The following MYCBP2 variants were observed in gnomAD, a reference collection of about 807,000 sequenced individuals.
The protein encoded by MYCBP2 is MYC binding protein 2, also known as E3 ubiquitin-protein ligase MYCBP2.
In MYCBP2, 120 loss-of-function variants were observed where a neutral mutation model predicts 525.3. The observed-to-expected ratio is 0.23, with a 90% CI of 0.20 to 0.27. The LOEUF (loss-of-function observed/expected upper bound fraction) is 0.27. MYCBP2 is among the 10% of genes least tolerant of loss of function. The probability of loss-of-function intolerance (pLI) is 1.00; values close to 1 mark genes in which losing one functional copy is unlikely to be tolerated. For synonymous variants in MYCBP2, 1,894 were observed against 1,955.8 expected (o/e 0.97, Z 0.83); for missense variants, 4,149 against 5,657.1 (o/e 0.73, Z 8.55).
chr13:77,067,716 T>G lies in MYCBP2; in HGVS notation c.12320A>C (p.Asp4107Ala). The G allele has an allele frequency of 6.2e-7, 1 of 1,614,138 alleles. No individual in the cohort carries two copies. Among genetic ancestry groups the G allele is most frequent in the Non-Finnish European group, 8.5e-7 (1 of 1,180,016 alleles). ...TTTGGCAATGCATCCTAGAAACATG[T>G]CCAAGATACCCAGCTTATTCCAGTC... ...KGDWNKLGIL[D>A]MFLGCIAKAL... The change falls in exon 71 of 83, where the codon GAC (aspartate) becomes GCC (alanine). Residue 4107 changes from aspartate to alanine, a missense_variant. This residue lies in a region of MYCBP2 where 148 missense variants were observed against 179.4 expected (regional missense o/e 0.82). Coordinates refer to ENST00000544440, the MANE Select transcript of MYCBP2 (RefSeq NM_015057.5).
chr13:77,083,257 CT>C lies in MYCBP2; in HGVS notation c.10876-66del, dbSNP rs1373696029. On this transcript the variant is annotated intron_variant, in intron 62 of 82. Coordinates refer to ENST00000544440, the MANE Select transcript of MYCBP2 (RefSeq NM_015057.5). ...TGGAAGGAATCCTCTTCACAAAAGA[CT>C]ATTATGTATACTTAAAAAATGGTCA... 8.9e-6 allele frequency: 13 copies of C among 1,454,436 alleles called. No homozygotes were observed. The East Asian group carries it at 3.2e-4, about 35-fold the overall frequency. The allele number at this position is 1,454,436 out of a possible 1,614,324, so 90.1% of individuals were successfully genotyped here. A position where few individuals can be genotyped will look rare whatever the true frequency, so the allele number is the denominator to read the frequency against.
rs766332100 is a variant in MYCBP2 at position 77,083,127 on chromosome 13, A to G, written c.10941T>C (p.His3647=). The change falls in exon 63 of 83, where the codon CAT becomes CAC. Residue 3647 remains histidine (H), a synonymous_variant. Transcript: ENST00000544440. ...AGCGGTGAAAGGTGTGTGGTAAAGG[A>G]TGAGCAGCTTCCCCGGCAATCACTA... ...SDIVIAGEAA[H]PLPHTFHRLL... The G allele has an allele frequency of 6.4e-5, 104 of 1,613,488 alleles. 1 individual carries two copies. The highest frequency in any genetic ancestry group is 1.7e-4 in the African/African-American group (13 of 74,862).
chr13:77,247,310 CAATGAACAA>C (rs2154322926), intron 15 of MYCBP2, among the ~76,000 whole-genome samples: 1 of 152,086 alleles, frequency 6.6e-6, no homozygotes, highest in Non-Finnish European at 1.5e-5. Context: ...TAGACACTAA[CAATGAACAA>C]TATGAAAAGG....
In MYCBP2 at chr13:77,168,444, C is replaced by T. The variant is rs2058768565; in HGVS notation, c.6098G>A (p.Cys2033Tyr). 4 of 1,614,008 alleles carry T rather than the reference C, an allele frequency of 2.5e-6. No homozygotes were observed. Among genetic ancestry groups the T allele is most frequent in the Non-Finnish European group, 3.4e-6 (4 of 1,179,934 alleles). The change falls in exon 40 of 83, where the codon TGT becomes TAT. Residue 2033 changes from cysteine (C) to tyrosine (Y), a missense_variant. Around this residue, in one of 21 missense-constraint regions of MYCBP2, gnomAD observed 692 missense variants for 852.7 expected, o/e 0.81. Transcript: ENST00000544440. ...IESEHPYKPA[C>Y]VMHYKVTFPE... is the part of the protein sequence containing the mutation. ...GGTGCCTACCTTGTAATGCATCACA[C>T]AGGCAGGTTTATACGGGTGCTCACT...
chr13:77,160,065 C>CTTTT (rs34051925), intron 44 of MYCBP2, among the ~76,000 whole-genome samples: 2 of 136,248 alleles, frequency 1.5e-5, no homozygotes, highest in Non-Finnish European at 3.2e-5. Flanking sequence ...AAATCACAAA[C>CTTTT]TTTTTTTTTT....
chr13:77,320,639 T>C (rs2081477704), intron 1 of MYCBP2, among the ~76,000 whole-genome samples: 1 of 152,096 alleles, frequency 6.6e-6, no homozygotes, highest in Non-Finnish European at 1.5e-5. Context: ...GGAAAAAGCA[T>C]ACATTTACAG....
chr13:77,205,048 T>G (rs2063160211), intron 26 of MYCBP2, among the ~76,000 whole-genome samples: 1 of 151,886 alleles, frequency 6.6e-6, no homozygotes, highest in Non-Finnish European at 1.5e-5. Flanking sequence ...TAAAGTATAA[T>G]AATAATAAAT....
At chr13:77,279,748 C>G (rs916274135) in intron 3 of MYCBP2, among the ~76,000 whole-genome samples, 4 of 152,126 alleles carry the variant, frequency 2.6e-5, no homozygotes, top group African/African-American at 9.7e-5. Flanking sequence ...ATTGTGCAAA[C>G]TCACTTTAGG....
intron 20 of MYCBP2, among the ~76,000 whole-genome samples, chr13:77,223,913 TAA>T (rs201464351): frequency 0.068 from 10,368 of 152,120 alleles, 562 homozygotes; most frequent in African/African-American, 0.14. Context: ...AAACTAAAAC[TAA>T]AACAAATGAA....
Position 77,144,430 on chromosome 13 carries a change from C to G in MYCBP2, c.7303+15G>C. 1 of 1,565,084 alleles carries G rather than the reference C, an allele frequency of 6.4e-7. No individual in the cohort carries two copies. The highest frequency in any genetic ancestry group is 8.8e-7 in the Non-Finnish European group (1 of 1,136,218). ...ATTTGAAGTAAGTAGTAGCTCATGG[C>G]TTTAAAGAAAATACCGATTTCAATG... On this transcript the variant is annotated intron_variant, in intron 49 of 82. Transcript: ENST00000544440.
chr13:77,185,861 T>A lies in MYCBP2; in HGVS notation c.4444+10A>T, dbSNP rs2060668313. On this transcript the variant is annotated intron_variant, in intron 31 of 82. Transcript: ENST00000544440. The stretch of plus-strand genomic sequence containing the variant: ...TCTCCCTATAGTCATTTAAAAAAAA[T>A]GCATCATACCTGACACTGGGTAAAT... 3 of 1,537,138 alleles carry A rather than the reference T, an allele frequency of 2.0e-6. No individual in the cohort carries two copies. Among genetic ancestry groups the A allele is most frequent in the Non-Finnish European group, 8.7e-7 (1 of 1,145,872 alleles).
rs1016568246 is a variant in MYCBP2 at position 77,135,857 on chromosome 13, G to A, written c.7659+3339C>T. On this transcript the variant is annotated intron_variant, in intron 52 of 82. Transcript: ENST00000544440. ...TCTTTTTTTTCTTTTTTTTTTTTGAGACGGAGTCTCACTCTGTCACCCAGG... is the reference window on the plus strand; with the variant it reads ...TCTTTTTTTTCTTTTTTTTTTTTGAAACGGAGTCTCACTCTGTCACCCAGG... 6.9e-5 allele frequency among the ~76,000 whole-genome samples: 10 copies of A among 145,460 alleles called. 1 individual carries two copies. The South Asian group carries it at 1.1e-3, about 16-fold the overall frequency.
chr13:77,145,524 A>C (rs1201474309), intron 48 of MYCBP2, among the ~76,000 whole-genome samples: 1 of 152,100 alleles, frequency 6.6e-6, no homozygotes. Context: ...ATGATTCCCA[A>C]ATTTATTTTC....
In MYCBP2 at chr13:77,188,289, C is replaced by G. The variant is rs1226191797; in HGVS notation, c.4251+662G>C. On this transcript the variant is annotated intron_variant, in intron 30 of 82. Transcript: ENST00000544440. ...CTATGCATTTTACTAATATGAAAGA[C>G]TACTAGCTATATTAATAAATCACAT... is the stretch of plus-strand genomic sequence containing the variant. Among the ~76,000 whole-genome samples, 6 of 152,092 alleles carry G rather than the reference C, an allele frequency of 3.9e-5. 1 individual carries two copies. Among genetic ancestry groups the G allele is most frequent in the Admixed American group, 3.9e-4 (6 of 15,266 alleles).
intron 17 of MYCBP2, among the ~76,000 whole-genome samples, chr13:77,235,489 T>C (rs1417103634): frequency 1.3e-5 from 2 of 152,072 alleles, no homozygotes; most frequent in Non-Finnish European, 2.9e-5. Context: ...GGAGCAAAAG[T>C]CTTGGGAAAT....
chr13:77,210,807 T>C (rs2063909638), intron 23 of MYCBP2, among the ~76,000 whole-genome samples: 1 of 152,182 alleles, frequency 6.6e-6, no homozygotes, highest in Non-Finnish European at 1.5e-5. Flanking sequence ...GTAAAATTAA[T>C]AATTATAATG....
Position 77,243,947 on chromosome 13 carries a change from A to G in MYCBP2, c.2386T>C (p.Cys796Arg). 1 of 1,526,316 alleles carries G rather than the reference A, an allele frequency of 6.6e-7. No individual in the cohort carries two copies. 94.5% of individuals were successfully genotyped at this position (1,526,316 alleles called of 1,614,324 possible). The stretch of plus-strand genomic sequence containing the variant: ...CCAGATTCTCCGGAACCACAACCAC[A>G]GATCCTAGGGGGAAATACAAAAAAA... ...GRPDRVPGGI[C>R]GCGSGESGCA... is the part of the protein sequence containing the mutation. The change falls in exon 16 of 83, where the codon TGT becomes CGT. Residue 796 changes from cysteine to arginine, a missense_variant. Transcript: ENST00000544440.
Position 77,045,316 on chromosome 13 carries a change from C to T in MYCBP2, c.*62G>A. The T allele has an allele frequency of 4.3e-6, 5 of 1,150,056 alleles. No individual in the cohort carries two copies. The highest frequency in any genetic ancestry group is 5.2e-6 in the Non-Finnish European group (4 of 768,354). The allele number at this position is 1,150,056 out of a possible 1,614,324, so 71.2% of individuals were successfully genotyped here. On this transcript the variant is annotated 3_prime_UTR_variant, in exon 83 of 83. Coordinates refer to ENST00000544440, the MANE Select transcript of MYCBP2 (RefSeq NM_015057.5). ...CTTATCCTGAGCAGAGTTTAAACTT[C>T]ACCGCATCCTCTTGGGGGATGAAGG... is the stretch of plus-strand genomic sequence containing the variant.
At chr13:77,294,119 T>C (rs1221338082) in intron 2 of MYCBP2, among the ~76,000 whole-genome samples, 4 of 64,138 alleles carry the variant, frequency 6.2e-5, no homozygotes, top group Admixed American at 2.5e-4. Flanking sequence ...TATATATATA[T>C]ATATATATAT....
Sources: allele counts gnomAD v4.1 joint callset (sites outside exome capture counted in the v4.1 genomes callset), GRCh38; gene constraint gnomAD v4.1.1; regional missense constraint gnomAD v4.1.1; transcripts MANE v1.5; gene names NCBI Gene and HGNC (gene_info 2026-07-23, HGNC 2026-07-21).